The following ANKRD13A variants were observed in gnomAD, a reference collection of about 807,000 sequenced individuals.
ANKRD13A encodes ankyrin repeat domain-containing protein 13A.
ANKRD13A carries 48 observed loss-of-function variants against 81.3 expected under a neutral mutation model. The ratio of observed to expected loss-of-function variants is 0.59; its 90% CI spans 0.47 to 0.75. The LOEUF is 0.75. Among genes scored for constraint, ANKRD13A ranks in the 30% least tolerant of loss-of-function variants. The probability of loss-of-function intolerance (pLI) is 0.00; values close to 1 mark genes in which losing one functional copy is unlikely to be tolerated. For missense variants in ANKRD13A, 612 were observed against 734.0 expected (o/e 0.83, Z 1.92); for synonymous variants, 230 against 270.1 (o/e 0.85, Z 1.45).
chr12:110,015,378 T>C (rs752899380), intron 3 of ANKRD13A, among the ~76,000 whole-genome samples: 4 of 152,238 alleles, frequency 2.6e-5, no homozygotes, highest in Admixed American at 6.5e-5. Flanking sequence ...TGGATGGAAT[T>C]GACATTCCCT....
intron 8 of ANKRD13A, among the ~76,000 whole-genome samples, chr12:110,026,216 C>T (rs12826909): frequency 2.0e-5 from 3 of 151,802 alleles, no homozygotes; most frequent in East Asian, 2.0e-4. Flanking sequence ...TCACCCACCT[C>T]GGCCTCCGAA....
rs1053315849 is a variant in ANKRD13A at position 110,007,262 on chromosome 12, T to C, written c.97-4743T>C. On this transcript the variant is annotated intron_variant, in intron 1 of 14. Transcript: ENST00000261739. ...AGCTGAGATTTTGATAGGAGTTGAA[T>C]TGAATCTATACCTCAGTTTGGAGAG... 7.2e-5 allele frequency among the ~76,000 whole-genome samples: 11 copies of C among 152,352 alleles called. 1 individual carries two copies. The South Asian group carries it at 1.0e-3, about 14-fold the overall frequency.
chr12:110,012,235 C>A, intron 2 of ANKRD13A, 98 bp downstream of exon 2: 1 of 1,381,674 alleles, frequency 7.2e-7, no homozygotes. Flanking sequence ...TGCGGTGGTG[C>A]ATGTCTGTAG....
intron 1 of ANKRD13A, among the ~76,000 whole-genome samples, chr12:110,008,288 G>C (rs1461336560): frequency 1.3e-5 from 2 of 152,144 alleles, no homozygotes; most frequent in Admixed American, 1.3e-4. Flanking sequence ...CTATGATATG[G>C]TGTAATACGT....
In ANKRD13A at chr12:110,036,328, G is replaced by A. The variant is rs770284838; in HGVS notation, c.1577G>A (p.Arg526Lys). ...QTNTYDAQYE[R>K]AIQESLLTST... ...AACACCTATGACGCCCAGTATGAGA[G>A]GTGATTGACTGACGTGACTCTGGAA... Residue 526 changes from arginine to lysine, a missense_variant and splice_region_variant, in exon 14 of 15, where the codon AGG becomes AAG. Physicochemically the swap from Arg to Lys is conservative, Grantham distance 26. Transcript: ENST00000261739. This position sits in a 1 kb window ranked among gnomAD's most constrained non-coding sequence, Gnocchi z 4.6. 1.2e-6 allele frequency: 2 copies of A among 1,613,778 alleles called. No homozygotes were observed. The highest frequency in any genetic ancestry group is 1.1e-5 in the South Asian group (1 of 91,082).
In ANKRD13A at chr12:110,030,455, C is replaced by A. The variant is rs183803509; in HGVS notation, c.1235-190C>A. On this transcript the variant is annotated intron_variant, in intron 11 of 14. Transcript: ENST00000261739. ...GTGCTGGGATTACAGGTGTAAGCCACCGCGCCTGACCGAAAATACACAACT... is the reference window on the plus strand; with the variant it reads ...GTGCTGGGATTACAGGTGTAAGCCAACGCGCCTGACCGAAAATACACAACT... 6.8e-3 allele frequency among the ~76,000 whole-genome samples: 1,034 copies of A among 152,272 alleles called. 1 individual carries two copies. The highest frequency in any genetic ancestry group is 9.4e-3 in the Non-Finnish European group (640 of 68,032).
chr12:110,012,068 T>C lies in ANKRD13A; in HGVS notation c.160T>C (p.Leu54=). Residue 54 remains leucine, a synonymous_variant, in exon 2 of 15, where the codon TTG becomes CTG. Transcript: ENST00000261739. ...GCATCTTGCTGTTTCCTTGGGACATTTGGAATCTGCTCGAGTCTTACTCCG... is the reference window on the plus strand; with the variant it reads ...GCATCTTGCTGTTTCCTTGGGACATCTGGAATCTGCTCGAGTCTTACTCCG... ...LLHLAVSLGH[L]ESARVLLRHK... 2 of 1,613,518 alleles carry C rather than the reference T, an allele frequency of 1.2e-6. No individual in the cohort carries two copies. Among genetic ancestry groups the C allele is most frequent in the South Asian group, 1.1e-5 (1 of 91,070 alleles).
chr12:110,018,932 G>T lies in ANKRD13A; in HGVS notation c.545-207G>T, dbSNP rs1457467242. ...AGAAAAATTCCGCACCTTTGGGGAA[G>T]ATGGCTCAGAGCTTCCTATGTGTTG... On this transcript the variant is annotated intron_variant, in intron 5 of 14. Transcript: ENST00000261739. This position sits in a 1 kb window ranked among gnomAD's most constrained non-coding sequence, Gnocchi z 4.4. Among the ~76,000 whole-genome samples the T allele has an allele frequency of 6.6e-6, 1 of 152,202 alleles. No individual in the cohort carries two copies. Among genetic ancestry groups the T allele is most frequent in the Non-Finnish European group, 1.5e-5 (1 of 68,048 alleles).
intron 13 of ANKRD13A, among the ~76,000 whole-genome samples, chr12:110,035,124 C>G (rs929378224): frequency 6.6e-6 from 1 of 152,174 alleles, no homozygotes; most frequent in Non-Finnish European, 1.5e-5. Context: ...TGGGAGGCAT[C>G]CTGGGAGAAG....
At chr12:110,024,024 T>G (rs1309885306) in intron 6 of ANKRD13A, 22 bp from the exon 7 acceptor site, 4 of 1,610,094 alleles carry the variant, frequency 2.5e-6, no homozygotes, top group Non-Finnish European at 3.4e-6. Flanking sequence ...TGTAGAAATT[T>G]GTGGTGTTCA....
intron 6 of ANKRD13A, chr12:110,021,849 A>G (rs1027471164): frequency 1.3e-5 from 2 of 152,106 alleles, no homozygotes; most frequent in African/African-American, 4.8e-5. Context: ...CTGTGGTTGC[A>G]GTTTGAATTT....
Position 110,018,252 on chromosome 12 carries a change from C to T in ANKRD13A, c.401-93C>T. The T allele has an allele frequency of 1.5e-6, 2 of 1,366,998 alleles. No individual in the cohort carries two copies. The highest frequency in any genetic ancestry group is 1.0e-6 in the Non-Finnish European group (1 of 998,866). The allele number at this position is 1,366,998 out of a possible 1,614,324, so 84.7% of individuals were successfully genotyped here. A position where few individuals can be genotyped will look rare whatever the true frequency, so the allele number is the denominator to read the frequency against. On this transcript the variant is annotated intron_variant, in intron 4 of 14. Coordinates refer to ENST00000261739, the MANE Select transcript of ANKRD13A (RefSeq NM_033121.2). The surrounding 1 kb of genome is among the most constrained non-coding windows in gnomAD (Gnocchi z 4.4). ...TTTGATGGTCACCATCTTGCCACTC[C>T]CCTCCTTTTATTAAATCAGAATCCT...
intron 1 of ANKRD13A, among the ~76,000 whole-genome samples, chr12:110,002,817 A>G (rs960458829): frequency 3.3e-5 from 5 of 152,166 alleles, no homozygotes; most frequent in African/African-American, 1.2e-4. Flanking sequence ...CAGCAACACA[A>G]GAAAGAATCA....
intron 8 of ANKRD13A, among the ~76,000 whole-genome samples, chr12:110,026,478 G>A (rs1891337613): frequency 2.0e-5 from 3 of 151,860 alleles, no homozygotes; most frequent in Admixed American, 6.6e-5. Context: ...TCAGGAGGCT[G>A]AGGCAGGAGA....
In ANKRD13A at chr12:110,010,941, T is replaced by G. The variant is rs576117266; in HGVS notation, c.97-1064T>G. Among the ~76,000 whole-genome samples the G allele has an allele frequency of 2.6e-5, 4 of 152,264 alleles. No individual in the cohort carries two copies. The South Asian group carries it at 8.3e-4, about 32-fold the overall frequency. ...ACATTTTCTAAGATGTATTATGGCA[T>G]TTAAAAAGTTTTTACAGGCTGGGCA... On this transcript the variant is annotated intron_variant, in intron 1 of 14. Coordinates refer to ENST00000261739, the MANE Select transcript of ANKRD13A (RefSeq NM_033121.2).
chr12:110,028,113 A>T (rs565333465), intron 9 of ANKRD13A: 2 of 337,976 alleles, frequency 5.9e-6, no homozygotes, highest in East Asian at 6.2e-5. Flanking sequence ...GCTCACAGTA[A>T]CTATATGAAC....
intron 3 of ANKRD13A, among the ~76,000 whole-genome samples, chr12:110,015,772 C>G (rs189415150): frequency 2.6e-5 from 4 of 152,230 alleles, no homozygotes; most frequent in Non-Finnish European, 4.4e-5. Context: ...GTCTCGAACT[C>G]CTGACCTTAA....
intron 1 of ANKRD13A, among the ~76,000 whole-genome samples, chr12:110,003,650 G>C (rs1248506007): frequency 2.6e-5 from 4 of 152,216 alleles, no homozygotes; most frequent in Non-Finnish European, 5.9e-5. Context: ...CAGGTACCAA[G>C]GCACAGGGGA....
chr12:110,009,769 G>C (rs538052792), intron 1 of ANKRD13A, among the ~76,000 whole-genome samples: 14 of 152,294 alleles, frequency 9.2e-5, no homozygotes, highest in Non-Finnish European at 1.5e-4. Flanking sequence ...GTGGTCCGAA[G>C]TAGAAAAAAA....
Sources: gnomAD v4.1 joint callset for allele counts (sites outside exome capture counted in the v4.1 genomes callset) on GRCh38, gnomAD v4.1.1 for gene constraint, Gnocchi (gnomAD v3.1) non-coding constraint, MANE v1.5 for transcripts, NCBI Gene and HGNC (gene_info 2026-07-23, HGNC 2026-07-21) for gene names.